Variants in CPED1 observed in about 807,000 individuals in gnomAD.
CPED1 encodes cadherin-like and PC-esterase domain-containing protein 1.
CPED1 carries 114 observed loss-of-function variants against 128.2 expected under a neutral mutation model. The observed-to-expected ratio is 0.89, with a 90% confidence interval of 0.76 to 1.04. CPED1 has a LOEUF of 1.04. Ranked by LOEUF, CPED1 falls within the 50% of genes least tolerant of loss-of-function variation. The pLI, the probability that CPED1 is intolerant of heterozygous loss-of-function variation, is 0.00. For missense variants in CPED1, 1,211 were observed against 1,207.1 expected, an observed-to-expected ratio of 1.00 and a Z score of -0.05; for synonymous variants, 462 against 426.7, an observed-to-expected ratio of 1.08 and a Z score of -1.02.
intron 13 of CPED1, 140 bp from the exon 14 acceptor site, chr7:121,135,900 G>A (rs1264530795): frequency 9.9e-6 from 5 of 503,658 alleles, no homozygotes; most frequent in Non-Finnish European, 1.6e-5. Flanking sequence ...GTAGTTTACA[G>A]TTTGACTTAG....
At chr7:121,289,004 C>T (rs1367063300) in intron 22 of CPED1, among the ~76,000 whole-genome samples, 1 of 152,174 alleles carries the variant, frequency 6.6e-6, no homozygotes, top group Non-Finnish European at 1.5e-5. Context: ...ATGCACCTCT[C>T]CTGTCTATCA....
At chr7:121,027,736 C>T (rs978333997) in intron 3 of CPED1, among the ~76,000 whole-genome samples, 1 of 123,790 alleles carries the variant, frequency 8.1e-6, no homozygotes, top group African/African-American at 3.4e-5. Flanking sequence ...TTAATTATAA[C>T]CTTTAGTAAT....
intron 16 of CPED1, among the ~76,000 whole-genome samples, chr7:121,221,435 T>C (rs1412219764): frequency 6.6e-6 from 1 of 152,222 alleles, no homozygotes; most frequent in East Asian, 1.9e-4. Flanking sequence ...CATGTGCATG[T>C]GTCTTTATAG....
intron 16 of CPED1, among the ~76,000 whole-genome samples, chr7:121,173,494 G>C (rs1796702496): frequency 6.6e-6 from 1 of 152,142 alleles, no homozygotes; most frequent in African/African-American, 2.4e-5. Flanking sequence ...TTATAAGTGA[G>C]AAGATGTGGT....
intron 14 of CPED1, among the ~76,000 whole-genome samples, chr7:121,136,303 G>T (rs756920317): frequency 2.0e-5 from 3 of 152,010 alleles, no homozygotes; most frequent in Non-Finnish European, 4.4e-5. Flanking sequence ...TAAGGACAAT[G>T]ACTTCCAAAC....
At chr7:120,989,111 A>G (rs941599859) in intron 1 of CPED1, 199 bp downstream of exon 1, 1 of 156,136 alleles carries the variant, frequency 6.4e-6, no homozygotes, top group African/African-American at 2.4e-5. Flanking sequence ...AAACCGGAGG[A>G]AAATTGAGGA....
rs1243608562 is a variant in CPED1 at position 120,989,409 on chromosome 7, T to C, written c.-213T>C. 2.8e-5 allele frequency: 16 copies of C among 570,002 alleles called. No homozygotes were observed. The highest frequency in any genetic ancestry group is 4.7e-5 in the Non-Finnish European group (15 of 322,202). The allele number at this position is 570,002 out of a possible 1,614,324, so 35.3% of individuals were successfully genotyped here. ...AACTCAGGTCATCCACTTTTGACTG[T>C]CATCCATGGAAGAGCTCTTATTAAA... On this transcript the variant is annotated 5_prime_UTR_variant, in exon 2 of 23. Coordinates refer to ENST00000310396, the MANE Select transcript of CPED1 (RefSeq NM_024913.5).
chr7:121,293,318 G>A (rs1266699229), intron 22 of CPED1, among the ~76,000 whole-genome samples: 1 of 152,162 alleles, frequency 6.6e-6, no homozygotes, highest in Non-Finnish European at 1.5e-5. Context: ...GGGGAAAACT[G>A]CCTACTCAAG....
chr7:121,249,745 G>C (rs943950066), intron 18 of CPED1, among the ~76,000 whole-genome samples: 24 of 152,098 alleles, frequency 1.6e-4, no homozygotes, highest in Admixed American at 1.5e-3. Flanking sequence ...TAATGGTAAA[G>C]GGATCAATTC....
chr7:121,137,899 G>A (rs1410785278), intron 14 of CPED1, among the ~76,000 whole-genome samples: 4 of 152,150 alleles, frequency 2.6e-5, no homozygotes, highest in Middle Eastern at 3.4e-3. Flanking sequence ...AAGCAACTTC[G>A]CCTCTTTGGG....
chr7:121,073,917 C>G (rs1400900695), intron 5 of CPED1, among the ~76,000 whole-genome samples: 1 of 151,770 alleles, frequency 6.6e-6, no homozygotes, highest in Admixed American at 6.6e-5. Context: ...CAGTTTTCTC[C>G]AGCAGGAATT....
chr7:121,129,690 A>G (rs1486669071), intron 11 of CPED1, among the ~76,000 whole-genome samples: 2 of 151,948 alleles, frequency 1.3e-5, no homozygotes, highest in African/African-American at 2.4e-5. Context: ...GAAAATTCCA[A>G]TTTCCTGGTT....
intron 7 of CPED1, among the ~76,000 whole-genome samples, chr7:121,101,242 T>A (rs1178258286): frequency 6.6e-6 from 1 of 151,498 alleles, no homozygotes; most frequent in Non-Finnish European, 1.5e-5. Context: ...CTTTTTTGGT[T>A]TTTTTTTTCC....
At chr7:121,108,203 T>G (rs13226812) in intron 7 of CPED1, among the ~76,000 whole-genome samples, 3,738 of 152,120 alleles carry the variant, frequency 0.025, 58 homozygotes, top group Non-Finnish European at 0.037. Context: ...GGAGCATTTT[T>G]CCCCCATTGG....
chr7:121,097,938 G>C, intron 6 of CPED1, 107 bp downstream of exon 6: 1 of 1,099,760 alleles, frequency 9.1e-7, no homozygotes, highest in Non-Finnish European at 1.3e-6. Context: ...TGAATTATTA[G>C]TTTCTCTTAC....
Position 121,141,056 on chromosome 7 carries a change from G to A in CPED1, c.1886+43G>A, listed in dbSNP as rs768932686. Reference sequence around the variant, plus strand: ...GGGCTGTGTTGAGACACTATACTGGGAAGTAGACATTTGATGCAAACTTTG... The same window carrying A: ...GGGCTGTGTTGAGACACTATACTGGAAAGTAGACATTTGATGCAAACTTTG... On this transcript the variant is annotated intron_variant, in intron 15 of 22. Coordinates refer to ENST00000310396, the MANE Select transcript of CPED1 (RefSeq NM_024913.5). 19 of 1,466,198 alleles carry A rather than the reference G, an allele frequency of 1.3e-5. No homozygotes were observed. In the Middle Eastern group the frequency reaches 5.5e-4, roughly 42 times the overall value. 90.8% of individuals were successfully genotyped at this position (1,466,198 alleles called of 1,614,324 possible).
intron 11 of CPED1, 149 bp from the exon 12 acceptor site, chr7:121,129,976 C>T (rs1338390235): frequency 3.5e-5 from 21 of 600,286 alleles, no homozygotes; most frequent in Non-Finnish European, 5.4e-5. Flanking sequence ...ACATCAACAA[C>T]TTTGCAGAAA....
intron 16 of CPED1, among the ~76,000 whole-genome samples, chr7:121,149,085 A>C (rs1292882683): frequency 6.6e-6 from 1 of 152,166 alleles, no homozygotes; most frequent in African/African-American, 2.4e-5. Flanking sequence ...CCTTGATTTA[A>C]ATGCATAACC....
At position 121,296,446 on chromosome 7, in the gene CPED1, T is replaced by A. The variant is rs370355582; in HGVS notation, c.*794T>A. 2 of 152,166 alleles carry A rather than the reference T, an allele frequency of 1.3e-5. No homozygotes were observed. The highest frequency in any genetic ancestry group is 4.8e-5 in the African/African-American group (2 of 41,446). The allele number at this position is 152,166 out of a possible 1,614,324, so 9.4% of individuals were successfully genotyped here. On this transcript the variant is annotated 3_prime_UTR_variant, in exon 23 of 23. Transcript: ENST00000310396. ...TCATGTATTACTGTACTATGTTTCA[T>A]TGATGATATTACTTAAATCTTGTGT... is the stretch of plus-strand genomic sequence containing the variant.
Sources: gnomAD v4.1 joint callset for allele counts (sites outside exome capture counted in the v4.1 genomes callset) on GRCh38, gnomAD v4.1.1 for gene constraint, MANE v1.5 for transcripts, NCBI Gene and HGNC (gene_info 2026-07-23, HGNC 2026-07-21) for gene names.